B4GALT5: variants seen among roughly 807,000 people sequenced by gnomAD.
B4GALT5 encodes the protein beta-1,4-galactosyltransferase 5.
B4GALT5 carries 11 observed loss-of-function variants against 45.0 expected under a neutral mutation model. The ratio of observed to expected loss-of-function variants is 0.24; its 90% confidence interval spans 0.15 to 0.40. The LOEUF is 0.40. Among genes scored for constraint, B4GALT5 ranks in the 10% least tolerant of loss-of-function variants. B4GALT5 has a pLI of 1.00. For synonymous variants in B4GALT5, 185 were observed against 182.9 expected (o/e 1.01, Z -0.09); for missense variants, 337 against 500.2 (o/e 0.67, Z 3.11).
chr20:49,638,188 T>C (rs2085561929), intron 7 of B4GALT5, among the ~76,000 whole-genome samples: 1 of 152,088 alleles, frequency 6.6e-6, no homozygotes, highest in African/African-American at 2.4e-5. Flanking sequence ...CAGGCTAATT[T>C]TTTTTATTTT....
At chr20:49,638,965 A>G (rs1220363472) in intron 7 of B4GALT5, among the ~76,000 whole-genome samples, 3 of 152,176 alleles carry the variant, frequency 2.0e-5, no homozygotes, top group African/African-American at 7.2e-5. Context: ...AGTAACACCT[A>G]TTGAGAGCTT....
intron 1 of B4GALT5, among the ~76,000 whole-genome samples, chr20:49,674,446 A>G (rs2085729271): frequency 6.6e-6 from 1 of 152,168 alleles, no homozygotes; most frequent in Admixed American, 6.6e-5. Flanking sequence ...TTTGGAATCA[A>G]GAACTGCATT....
chr20:49,703,292 AAAG>A (rs199625296), intron 1 of B4GALT5, among the ~76,000 whole-genome samples: 2,210 of 152,322 alleles, frequency 0.015, 62 homozygotes, highest in African/African-American at 0.05. Context: ...TTTACCACCA[AAAG>A]AAGAAAAATG....
At chr20:49,690,607 C>T (rs1280261884) in intron 1 of B4GALT5, among the ~76,000 whole-genome samples, 3 of 151,058 alleles carry the variant, frequency 2.0e-5, no homozygotes, top group Non-Finnish European at 4.4e-5. Context: ...TAAATGAAAC[C>T]ATATTCCTGA....
intron 1 of B4GALT5, among the ~76,000 whole-genome samples, chr20:49,660,561 CAT>C: frequency 6.6e-6 from 1 of 152,232 alleles, no homozygotes; most frequent in Non-Finnish European, 1.5e-5. Flanking sequence ...ATTACTAATT[CAT>C]ATCAAGCTTG....
In B4GALT5 at chr20:49,688,677, G is replaced by A. The variant is rs558761499; in HGVS notation, c.115+24899C>T. ...GTCAAGGCCGGGTGCAGTGGCTCACGCCTGTAATCCCAACACTTTGGGAGG... is the reference window on the plus strand; with the variant it reads ...GTCAAGGCCGGGTGCAGTGGCTCACACCTGTAATCCCAACACTTTGGGAGG... On this transcript the variant is annotated intron_variant, in intron 1 of 8. Coordinates refer to ENST00000371711, the MANE Select transcript of B4GALT5 (RefSeq NM_004776.4). Among the ~76,000 whole-genome samples, 25 of 152,254 alleles carry A rather than the reference G, an allele frequency of 1.6e-4. No individual in the cohort carries two copies. The South Asian group carries it at 1.7e-3, about 10-fold the overall frequency.
chr20:49,644,578 T>G (rs2085591462), intron 3 of B4GALT5, among the ~76,000 whole-genome samples: 1 of 152,304 alleles, frequency 6.6e-6, no homozygotes, highest in East Asian at 1.9e-4. Context: ...ACAGTAACAA[T>G]CAATAAATGC....
intron 3 of B4GALT5, 41 bp from the exon 4 acceptor site, chr20:49,643,691 T>A: frequency 6.3e-7 from 1 of 1,591,892 alleles, no homozygotes. Flanking sequence ...GGTCAGAAAA[T>A]GATAGGTTTC....
At chr20:49,688,081 T>G (rs145768986) in intron 1 of B4GALT5, among the ~76,000 whole-genome samples, 26 of 152,158 alleles carry the variant, frequency 1.7e-4, no homozygotes, top group African/African-American at 6.3e-4. Context: ...CCTGGGAACA[T>G]GACCAGAGCC....
chr20:49,667,463 C>T (rs565058284), intron 1 of B4GALT5, among the ~76,000 whole-genome samples: 98 of 152,094 alleles, frequency 6.4e-4, no homozygotes, highest in African/African-American at 2.3e-3. Flanking sequence ...CTGTGTCAGC[C>T]AGGATGGTCT....
chr20:49,646,141 G>GT (rs1180498278), intron 3 of B4GALT5, among the ~76,000 whole-genome samples: 5 of 152,266 alleles, frequency 3.3e-5, no homozygotes, highest in South Asian at 4.1e-4. Flanking sequence ...CAAGGCTGCA[G>GT]TTTTTTTTAA....
At chr20:49,656,962 C>G (rs112432664) in intron 1 of B4GALT5, among the ~76,000 whole-genome samples, 1 of 152,096 alleles carries the variant, frequency 6.6e-6, no homozygotes, top group Non-Finnish European at 1.5e-5. Flanking sequence ...AAAATATATT[C>G]CATCTCTTCT....
intron 1 of B4GALT5, among the ~76,000 whole-genome samples, chr20:49,657,737 G>A (rs2085649178): frequency 6.6e-6 from 1 of 152,146 alleles, no homozygotes; most frequent in African/African-American, 2.4e-5. Context: ...TCTGGCCTTG[G>A]GATGTGGATT....
intron 1 of B4GALT5, among the ~76,000 whole-genome samples, chr20:49,702,230 A>G (rs1220560768): frequency 6.6e-6 from 1 of 152,236 alleles, no homozygotes; most frequent in East Asian, 1.9e-4. Context: ...GAAAGAAAAC[A>G]GCTTCAAACT....
intron 2 of B4GALT5, among the ~76,000 whole-genome samples, chr20:49,653,872 C>T (rs777834096): frequency 1.3e-5 from 2 of 152,214 alleles, no homozygotes; most frequent in Non-Finnish European, 2.9e-5. Context: ...TCACTGGATA[C>T]ACCCTCCAAG....
intron 1 of B4GALT5, among the ~76,000 whole-genome samples, chr20:49,664,470 A>ACACACACT (rs1491449710): frequency 7.0e-6 from 1 of 143,328 alleles, no homozygotes; most frequent in Non-Finnish European, 1.5e-5. Context: ...ACACACACAC[A>ACACACACT]CTTTAGATTC....
In B4GALT5 at chr20:49,708,672, GC is replaced by G. The variant is rs200248596; in HGVS notation, c.115+4903del. Reference sequence around the variant, plus strand: ...CAATTAATAAAATGTCATCGGCCAGGCGCAATGGCTCATGTCTGTAATCCCA... The same window carrying G: ...CAATTAATAAAATGTCATCGGCCAGGGCAATGGCTCATGTCTGTAATCCCA... On this transcript the variant is annotated intron_variant, in intron 1 of 8. Transcript: ENST00000371711. 3.8e-3 allele frequency among the ~76,000 whole-genome samples: 572 copies of G among 152,246 alleles called. 2 individuals carry two copies. Among genetic ancestry groups the G allele is most frequent in the East Asian group, 0.016 (85 of 5,182 alleles).
intron 1 of B4GALT5, among the ~76,000 whole-genome samples, chr20:49,709,166 G>A (rs755863876): frequency 3.3e-5 from 5 of 152,006 alleles, no homozygotes; most frequent in East Asian, 1.9e-4. Context: ...ACTGGAGTAC[G>A]GAAGTACTCT....
chr20:49,709,130 T>C (rs1358634790), intron 1 of B4GALT5, among the ~76,000 whole-genome samples: 1 of 152,188 alleles, frequency 6.6e-6, no homozygotes, highest in Non-Finnish European at 1.5e-5. Context: ...AGCTCGCTTC[T>C]GTTATCTTTT....
Sources: allele counts gnomAD v4.1 joint callset (sites outside exome capture counted in the v4.1 genomes callset), GRCh38; gene constraint gnomAD v4.1.1; transcripts MANE v1.5; gene names NCBI Gene and HGNC (gene_info 2026-07-23, HGNC 2026-07-21).